PAPLN: variants seen among roughly 807,000 people sequenced by gnomAD.
PAPLN encodes papilin.
PAPLN carries 146 observed loss-of-function variants against 159.0 expected under a neutral mutation model. The observed-to-expected ratio is 0.92, with a 90% CI of 0.80 to 1.05. The LOEUF is 1.05. PAPLN is among the 50% of genes least tolerant of loss of function. PAPLN has a pLI of 0.00. For missense variants in PAPLN, 1,720 were observed against 1,743.9 expected (o/e 0.99, Z 0.24); for synonymous variants, 734 against 702.9 (o/e 1.04, Z -0.70).
Position 73,249,989 on chromosome 14 carries a change from A to G in PAPLN, c.340A>G (p.Asn114Asp), listed in dbSNP as rs1885049910. 1 of 1,605,790 alleles carries G rather than the reference A, an allele frequency of 6.2e-7. No homozygotes were observed. The highest frequency in any genetic ancestry group is 8.5e-7 in the Non-Finnish European group (1 of 1,175,946). ...YRWLPYYSAP[N>D]KCELNCIPKG... Reference sequence around the variant, plus strand: ...TGCCTTCCTGCCCACCCCAGCCCCAAACAAGTGTGAACTGAACTGCATTCC... The same window carrying G: ...TGCCTTCCTGCCCACCCCAGCCCCAGACAAGTGTGAACTGAACTGCATTCC... The change falls in exon 6 of 27, where the codon AAC becomes GAC. Residue 114 changes from asparagine to aspartate, a missense_variant. By Grantham distance (23) the Asn-to-Asp change is conservative. Transcript: ENST00000644200.
At position 73,245,515 on chromosome 14, in the gene PAPLN, C is replaced by A; in HGVS notation, c.171-121C>A. On this transcript the variant is annotated intron_variant, in intron 3 of 26. Coordinates refer to ENST00000644200, the MANE Select transcript of PAPLN (RefSeq NM_001365906.3). This position sits in a 1 kb window ranked among gnomAD's most constrained non-coding sequence, Gnocchi z 4.2. Reference sequence around the variant, plus strand: ...ATTTACGGGGTGGGGTCGGGGGACACCCTCTCACCTTGCTGCTCCCACTGG... The same window carrying A: ...ATTTACGGGGTGGGGTCGGGGGACAACCTCTCACCTTGCTGCTCCCACTGG... 9.0e-7 allele frequency: 1 copy of A among 1,105,910 alleles called. No homozygotes were observed. Among genetic ancestry groups the A allele is most frequent in the Non-Finnish European group, 1.3e-6 (1 of 776,202 alleles). 68.5% of individuals were successfully genotyped at this position (1,105,910 alleles called of 1,614,324 possible). A position where few individuals can be genotyped will look rare whatever the true frequency, so the allele number is the denominator to read the frequency against.
In PAPLN at chr14:73,251,542, G is replaced by T. The variant is rs1361005811; in HGVS notation, c.646G>T (p.Ala216Ser). 8 of 1,612,584 alleles carry T rather than the reference G, an allele frequency of 5.0e-6. No homozygotes were observed. The Admixed American group carries it at 1.2e-4, about 24-fold the overall frequency. The stretch of plus-strand genomic sequence containing the variant: ...TGCCACCAGCATCCTCATCGACGAG[G>T]CTGCTGCCAGCAGGAACTTCCTGGG... ...MGATSILIDE[A>S]AASRNFLAVK... The change falls in exon 8 of 27, where the codon GCT (alanine) becomes TCT (serine). Residue 216 changes from alanine (A) to serine (S), a missense_variant. Transcript: ENST00000644200.
chr14:73,261,368 G>C (rs1019135268), intron 18 of PAPLN, 74 bp downstream of exon 18: 4 of 1,537,568 alleles, frequency 2.6e-6, no homozygotes, highest in Non-Finnish European at 3.5e-6. Flanking sequence ...CCCCACCCAG[G>C]ACCAAAGACC....
At chr14:73,260,212 G>C (rs1006507014) in intron 16 of PAPLN, among the ~76,000 whole-genome samples, 2 of 152,196 alleles carry the variant, frequency 1.3e-5, no homozygotes, top group Admixed American at 1.3e-4. Context: ...TGGGGTTCCT[G>C]TGAGGGTGAA....
At position 73,252,730 on chromosome 14, in the gene PAPLN, C is replaced by T. The variant is rs1885432352; in HGVS notation, c.1049C>T (p.Ala350Val). The change falls in exon 11 of 27, where the codon GCT (alanine) becomes GTT (valine). Residue 350 changes from alanine to valine, a missense_variant. Physicochemically the swap from Ala to Val is moderately conservative, Grantham distance 64. Transcript: ENST00000644200. Reference sequence around the variant, plus strand: ...ATGTGCCAGCGCCAGCCACGGCCAGCTGACCGGCGTTCCTGCAATCTTCAC... The same window carrying T: ...ATGTGCCAGCGCCAGCCACGGCCAGTTGACCGGCGTTCCTGCAATCTTCAC... The part of the protein sequence containing the change: ...DHMCQRQPRP[A>V]DRRSCNLHPC... 6.2e-7 allele frequency: 1 copy of T among 1,613,586 alleles called. No individual in the cohort carries two copies. Among genetic ancestry groups the T allele is most frequent in the Non-Finnish European group, 8.5e-7 (1 of 1,180,002 alleles).
chr14:73,266,534 T>C lies in PAPLN; in HGVS notation c.3297T>C (p.Ile1099=), dbSNP rs1270129607. The C allele has an allele frequency of 1.9e-6, 3 of 1,614,162 alleles. No individual in the cohort carries two copies. Among genetic ancestry groups the C allele is most frequent in the Non-Finnish European group, 2.5e-6 (3 of 1,180,012 alleles). ...TGCAGCCTGATGGCTCCCTGGTCAT[T>C]AGCCGAGTGGCTGTAGAAGATGGCG... ...HQLQPDGSLV[I]SRVAVEDGGF... The change falls in exon 24 of 27, where the codon ATT becomes ATC. Residue 1099 remains isoleucine, a synonymous_variant. Transcript: ENST00000644200.
chr14:73,266,933 AT>A, intron 25 of PAPLN, 102 bp downstream of exon 25: 1 of 1,170,424 alleles, frequency 8.5e-7, no homozygotes, highest in Non-Finnish European at 1.2e-6. Context: ...CACTGCTTCC[AT>A]TCCGGCTTCC....
intron 25 of PAPLN, among the ~76,000 whole-genome samples, chr14:73,267,365 G>A (rs556685112): frequency 8.4e-4 from 128 of 152,290 alleles, no homozygotes; most frequent in African/African-American, 2.8e-3. Flanking sequence ...TCCCTGTAAT[G>A]TGTCAGGACT....
Position 73,274,281 on chromosome 14 carries a change from G to C in PAPLN, c.*1617G>C, listed in dbSNP as rs1887969465. 6.6e-6 allele frequency: 1 copy of C among 152,232 alleles called. No homozygotes were observed. 9.4% of individuals were successfully genotyped at this position (152,232 alleles called of 1,614,324 possible). A position where few individuals can be genotyped will look rare whatever the true frequency, so the allele number is the denominator to read the frequency against. On this transcript the variant is annotated 3_prime_UTR_variant, in exon 27 of 27. Coordinates refer to ENST00000644200, the MANE Select transcript of PAPLN (RefSeq NM_001365906.3). ...CCTTGATGCTAAAAGAAGAGGCATG[G>C]ATTCTATGAGCTTCCAAGTCCCTTT...
chr14:73,262,114 C>A, intron 18 of PAPLN: 1 of 492,146 alleles, frequency 2.0e-6, no homozygotes, highest in South Asian at 3.8e-5. Flanking sequence ...CTCCCAGAGG[C>A]TCTAGCTCTG....
chr14:73,252,600 T>G (rs779943613), intron 10 of PAPLN, 49 bp from the exon 11 acceptor site: 1 of 1,597,174 alleles, frequency 6.3e-7, no homozygotes, highest in East Asian at 2.2e-5. Flanking sequence ...GGAACGCGCT[T>G]GGTGAATGTT....
At chr14:73,259,675 G>C in intron 16 of PAPLN, 130 bp downstream of exon 16, 1 of 1,231,596 alleles carries the variant, frequency 8.1e-7, no homozygotes, top group Non-Finnish European at 1.1e-6. Context: ...GGATGCCCAA[G>C]CTTTCCTCCC....
intron 5 of PAPLN, among the ~76,000 whole-genome samples, chr14:73,248,398 C>A (rs1884857766): frequency 6.6e-6 from 1 of 152,084 alleles, no homozygotes; most frequent in Non-Finnish European, 1.5e-5. Flanking sequence ...AAAATTGGAA[C>A]ACAGGGGAAA....
At position 73,268,608 on chromosome 14, in the gene PAPLN, T is replaced by A; in HGVS notation, c.3552T>A (p.Asp1184Glu). 6.2e-7 allele frequency: 1 copy of A among 1,613,990 alleles called. No individual in the cohort carries two copies. Among genetic ancestry groups the A allele is most frequent in the Non-Finnish European group, 8.5e-7 (1 of 1,179,916 alleles). Residue 1184 changes from aspartate to glutamate, a missense_variant, in exon 26 of 27, where the codon GAT becomes GAA. Coordinates refer to ENST00000644200, the MANE Select transcript of PAPLN (RefSeq NM_001365906.3). ...ADGHRVHQSP[D>E]GTLLIYNLRA... ...GCCACCGTGTCCACCAGTCCCCAGA[T>A]GGCACGCTGCTCATTTACAACTTGC...
In PAPLN at chr14:73,265,280, A is replaced by AGG; in HGVS notation, c.3126-87_3126-86dup. The AGG allele has an allele frequency of 1.3e-6, 2 of 1,515,454 alleles. No homozygotes were observed. Among genetic ancestry groups the AGG allele is most frequent in the South Asian group, 2.5e-5 (2 of 79,798 alleles). The allele number at this position is 1,515,454 out of a possible 1,614,324, so 93.9% of individuals were successfully genotyped here. On this transcript the variant is annotated intron_variant, in intron 22 of 26. Coordinates refer to ENST00000644200, the MANE Select transcript of PAPLN (RefSeq NM_001365906.3). The surrounding 1 kb of genome is among the most constrained non-coding windows in gnomAD (Gnocchi z 4.1). ...AGCTGAATCTGGCTGGAGAGGGAGA[A>AGG]GGGGCCACCAGGCTTGTGCAGAGGT...
chr14:73,259,093 C>CTGT, intron 15 of PAPLN, 34 bp downstream of exon 15: 2 of 1,584,396 alleles, frequency 1.3e-6, no homozygotes, highest in Non-Finnish European at 1.7e-6. Context: ...ACTCAGAGCC[C>CTGT]TGTAGTTTTT....
At chr14:73,236,988 AAG>A (rs1883073066), upstream of PAPLN, among the ~76,000 whole-genome samples, 1 of 151,694 alleles carries the variant, frequency 6.6e-6, no homozygotes. Flanking sequence ...GAGGGAAAGA[AAG>A]AAGAAAGGAA....
At chr14:73,266,875 A>C (rs952076452) in intron 25 of PAPLN, 44 bp downstream of exon 25, 2 of 1,539,380 alleles carry the variant, frequency 1.3e-6, no homozygotes, top group Non-Finnish European at 1.8e-6. Flanking sequence ...AGACCTTCAC[A>C]ACCTCAGGTG....
At chr14:73,259,977 G>A (rs1205679765) in intron 16 of PAPLN, among the ~76,000 whole-genome samples, 2 of 152,124 alleles carry the variant, frequency 1.3e-5, no homozygotes, top group East Asian at 1.9e-4. Context: ...CCTGCCAGGT[G>A]CCCTCCCTCT....
Sources: allele counts gnomAD v4.1 joint callset (sites outside exome capture counted in the v4.1 genomes callset), GRCh38; gene constraint gnomAD v4.1.1; non-coding constraint Gnocchi (gnomAD v3.1); transcripts MANE v1.5; gene names NCBI Gene and HGNC (gene_info 2026-07-23, HGNC 2026-07-21).